Variants in TNFRSF11A observed in about 807,000 individuals in gnomAD.
The protein encoded by TNFRSF11A is tumor necrosis factor receptor superfamily member 11A.
In TNFRSF11A, 32 loss-of-function variants were observed where a neutral mutation model predicts 55.7. That is an observed-to-expected ratio of 0.57 (90% CI 0.43 to 0.77). The LOEUF is 0.77. Among genes scored for constraint, TNFRSF11A ranks in the 30% least tolerant of loss-of-function variants. The probability of loss-of-function intolerance (pLI) is 0.00; values close to 1 mark genes in which losing one functional copy is unlikely to be tolerated. For synonymous variants in TNFRSF11A, 311 were observed against 331.0 expected, an observed-to-expected ratio of 0.94 and a Z score of 0.65; for missense variants, 753 against 809.8, an observed-to-expected ratio of 0.93 and a Z score of 0.85.
chr18:62,382,995 G>A (rs765267979), intron 9 of TNFRSF11A, among the ~76,000 whole-genome samples: 25 of 152,310 alleles, frequency 1.6e-4, no homozygotes, highest in African/African-American at 2.9e-4. Flanking sequence ...GCAGAAGGGC[G>A]TAGATACAGT....
At chr18:62,367,788 CT>C (rs67721371) in intron 8 of TNFRSF11A, among the ~76,000 whole-genome samples, 12,150 of 78,588 alleles carry the variant, frequency 0.15, 159 homozygotes, top group Non-Finnish European at 0.21. Flanking sequence ...TCTTCTTCTT[CT>C]TTTTTTTTTT....
chr18:62,358,374 T>G (rs1364988601), intron 5 of TNFRSF11A, 33 bp downstream of exon 5: 1 of 1,601,598 alleles, frequency 6.2e-7, no homozygotes, highest in Non-Finnish European at 8.6e-7. Context: ...GAAGAGATGG[T>G]TGGTTTTTAA....
chr18:62,358,979 C>T lies in TNFRSF11A; in HGVS notation c.521+638C>T, dbSNP rs368676326. Among the ~76,000 whole-genome samples, 23 of 152,250 alleles carry T rather than the reference C, an allele frequency of 1.5e-4. No homozygotes were observed. The East Asian group carries it at 1.7e-3, about 11-fold the overall frequency. On this transcript the variant is annotated intron_variant, in intron 5 of 9. Transcript: ENST00000586569. ...AATCTCATATATATATGATTTCTCA[C>T]GTATGTGAGTAAATCTATAGTGGAA...
rs1326279052 is a variant in TNFRSF11A at position 62,381,283 on chromosome 18, A to T, written c.1568-3468A>T. On this transcript the variant is annotated intron_variant, in intron 9 of 9. Coordinates refer to ENST00000586569, the MANE Select transcript of TNFRSF11A (RefSeq NM_003839.4). ...ATACTGTTTGCCATGGAGCAATGGC[A>T]TGGAATGAAATTCTCAAGATGAAAG... Among the ~76,000 whole-genome samples, 4 of 152,244 alleles carry T rather than the reference A, an allele frequency of 2.6e-5. No individual in the cohort carries two copies. In the East Asian group the frequency reaches 7.7e-4, roughly 29 times the overall value.
At chr18:62,381,550 C>T (rs1020795781) in intron 9 of TNFRSF11A, among the ~76,000 whole-genome samples, 4 of 152,282 alleles carry the variant, frequency 2.6e-5, no homozygotes, top group Non-Finnish European at 4.4e-5. Flanking sequence ...TGCAGTTTTA[C>T]GTGATACTGA....
intron 5 of TNFRSF11A, 24 bp from the exon 6 acceptor site, chr18:62,359,929 GCA>G (rs1909547188): frequency 6.2e-7 from 1 of 1,600,412 alleles, no homozygotes; most frequent in African/African-American, 1.3e-5. Context: ...TAAAACCAAA[GCA>G]CTGAACCACC....
intron 6 of TNFRSF11A, among the ~76,000 whole-genome samples, chr18:62,361,213 C>A (rs1376254354): frequency 6.6e-6 from 1 of 152,050 alleles, no homozygotes; most frequent in Non-Finnish European, 1.5e-5. Flanking sequence ...CACGTGGTGT[C>A]GGGGATGAAA....
intron 1 of TNFRSF11A, among the ~76,000 whole-genome samples, chr18:62,332,429 T>C (rs2046168733): frequency 6.6e-6 from 1 of 152,192 alleles, no homozygotes; most frequent in African/African-American, 2.4e-5. Flanking sequence ...TCTAACACTT[T>C]CATGGTAATT....
At chr18:62,363,135 C>T (rs1444883191) in intron 7 of TNFRSF11A, among the ~76,000 whole-genome samples, 8 of 152,236 alleles carry the variant, frequency 5.3e-5, no homozygotes, top group South Asian at 2.1e-4. Context: ...TGAGCCACCA[C>T]GCCTGGCCCA....
Position 62,383,045 on chromosome 18 carries a change from A to C in TNFRSF11A, c.1568-1706A>C, listed in dbSNP as rs1227118461. On this transcript the variant is annotated intron_variant, in intron 9 of 9. Coordinates refer to ENST00000586569, the MANE Select transcript of TNFRSF11A (RefSeq NM_003839.4). The surrounding 1 kb of genome is among the most constrained non-coding windows in gnomAD (Gnocchi z 4.2). ...CACTGGAGTACGCTGCATGCCTGGC[A>C]ATGTGTGGAGAGGGGGTGGAGAAGG... is the stretch of plus-strand genomic sequence containing the variant. 6.6e-6 allele frequency among the ~76,000 whole-genome samples: 1 copy of C among 152,132 alleles called. No homozygotes were observed. Among genetic ancestry groups the C allele is most frequent in the African/African-American group, 2.4e-5 (1 of 41,424 alleles).
At chr18:62,347,632 G>A (rs1187930517) in intron 1 of TNFRSF11A, among the ~76,000 whole-genome samples, 1 of 152,170 alleles carries the variant, frequency 6.6e-6, no homozygotes, top group Admixed American at 6.5e-5. Flanking sequence ...AGGTAAGCAG[G>A]CCGGGCGTGG....
In TNFRSF11A at chr18:62,385,021, G is replaced by C; in HGVS notation, c.1838G>C (p.Gly613Ala). 1.4e-6 allele frequency: 2 copies of C among 1,481,458 alleles called. No homozygotes were observed. Among genetic ancestry groups the C allele is most frequent in the South Asian group, 2.6e-5 (2 of 76,732 alleles). 91.8% of individuals were successfully genotyped at this position (1,481,458 alleles called of 1,614,324 possible). A position where few individuals can be genotyped will look rare whatever the true frequency, so the allele number is the denominator to read the frequency against. ...KASRPVQEQG[G>A]AKA Reference sequence around the variant, plus strand: ...TCGAGGCCGGTGCAGGAGCAAGGCGGGGCCAAGGCTTGAGCGCCCCCCATG... The same window carrying C: ...TCGAGGCCGGTGCAGGAGCAAGGCGCGGCCAAGGCTTGAGCGCCCCCCATG... Residue 613 changes from glycine to alanine, a missense_variant, in exon 10 of 10, where the codon GGG becomes GCG. Physicochemically the swap from Gly to Ala is moderately conservative, Grantham distance 60. Around this residue, in one of 3 missense-constraint regions of TNFRSF11A, gnomAD observed 567 missense variants for 596.7 expected, o/e 0.95. Coordinates refer to ENST00000586569, the MANE Select transcript of TNFRSF11A (RefSeq NM_003839.4).
rs755988219 is a variant in TNFRSF11A, at chr18:62,366,734, G to A, written c.757G>A (p.Ala253Thr). The A allele has an allele frequency of 5.1e-5, 82 of 1,614,086 alleles. No homozygotes were observed. Among genetic ancestry groups the A allele is most frequent in the Non-Finnish European group, 6.9e-5 (81 of 1,180,040 alleles). Residue 253 changes from alanine to threonine, a missense_variant, in exon 8 of 10, where the codon GCT becomes ACT. Coordinates refer to ENST00000586569, the MANE Select transcript of TNFRSF11A (RefSeq NM_003839.4). ...TANLWHWINE[A>T]CGRLSGDKES... is the part of the protein sequence containing the mutation. ...TAATTTGTGGCACTGGATCAATGAG[G>A]CTTGTGGCCGCCTAAGTGGAGATAA...
In TNFRSF11A at chr18:62,335,129, A is replaced by ATTTTTTTTTTTTTT. The variant is rs11289576; in HGVS notation, c.75+9705_75+9718dup. On this transcript the variant is annotated intron_variant, in intron 1 of 9. Coordinates refer to ENST00000586569, the MANE Select transcript of TNFRSF11A (RefSeq NM_003839.4). ...CTGTGACCAAGCCACTGGGGTCGGAATTTTTTTTTTTTTTTTGTTACCCAG... is the reference window on the plus strand; with the variant it reads ...CTGTGACCAAGCCACTGGGGTCGGAATTTTTTTTTTTTTTTTTTTTTTTTTTTTTTGTTACCCAG... 4.0e-3 allele frequency among the ~76,000 whole-genome samples: 564 copies of ATTTTTTTTTTTTTT among 140,726 alleles called. 22 individuals are homozygous for ATTTTTTTTTTTTTT. The highest frequency in any genetic ancestry group is 5.5e-3 in the Non-Finnish European group (356 of 64,604). 92.3% of individuals were successfully genotyped at this position (140,726 alleles called of 152,430 possible).
At position 62,354,512 on chromosome 18, in the gene TNFRSF11A, G is replaced by A. The variant is rs748168023; in HGVS notation, c.405G>A (p.Pro135=). Residue 135 remains proline (P), a synonymous_variant, in exon 4 of 10, where the codon CCG becomes CCA. Transcript: ENST00000586569. ...ECCRRNTECA[P]GLGAQHPLQL... ...GCCGCCGCAACACCGAGTGCGCGCCGGGCCTGGGCGCCCAGCACCCGTGTA... is the reference window on the plus strand; with the variant it reads ...GCCGCCGCAACACCGAGTGCGCGCCAGGCCTGGGCGCCCAGCACCCGTGTA... 3.7e-6 allele frequency: 6 copies of A among 1,602,540 alleles called. No homozygotes were observed. Among genetic ancestry groups the A allele is most frequent in the African/African-American group, 1.3e-5 (1 of 74,906 alleles).
chr18:62,340,410 G>T (rs1057135045), intron 1 of TNFRSF11A, among the ~76,000 whole-genome samples: 1 of 151,694 alleles, frequency 6.6e-6, no homozygotes, highest in African/African-American at 2.4e-5. Context: ...TAGAGACAGG[G>T]TCTCAAACTC....
chr18:62,358,115 G>A, intron 4 of TNFRSF11A, 133 bp from the exon 5 acceptor site: 1 of 795,976 alleles, frequency 1.3e-6, no homozygotes, highest in South Asian at 1.4e-5. Flanking sequence ...GGGCACAGGG[G>A]TGGGAGGTGA....
chr18:62,328,829 C>T (rs936158957), intron 1 of TNFRSF11A, among the ~76,000 whole-genome samples: 6 of 152,218 alleles, frequency 3.9e-5, no homozygotes, highest in African/African-American at 7.2e-5. Flanking sequence ...TCCTTTCTAC[C>T]ACTTCCCCCT....
intron 2 of TNFRSF11A, 22 bp downstream of exon 2, chr18:62,348,271 C>A: frequency 6.2e-7 from 1 of 1,604,686 alleles, no homozygotes; most frequent in Non-Finnish European, 8.5e-7. Context: ...TCTGAGCCAC[C>A]TTGCATTGCC....
Sources: allele counts gnomAD v4.1 joint callset (sites outside exome capture counted in the v4.1 genomes callset), GRCh38; gene constraint gnomAD v4.1.1; regional missense constraint gnomAD v4.1.1; non-coding constraint Gnocchi (gnomAD v3.1); transcripts MANE v1.5; gene names NCBI Gene and HGNC (gene_info 2026-07-23, HGNC 2026-07-21).